The following ULK4 variants were observed in gnomAD, a reference collection of about 807,000 sequenced individuals.
ULK4 encodes unc-51 like kinase 4.
In ULK4, 133 loss-of-function variants were observed where a neutral mutation model predicts 160.6. That is an observed-to-expected ratio of 0.83 (90% CI 0.72 to 0.96). ULK4 has a LOEUF of 0.96. Among genes scored for constraint, ULK4 ranks in the 40% least tolerant of loss-of-function variants. The pLI, the probability that ULK4 is intolerant of heterozygous loss-of-function variation, is 0.00. For synonymous variants in ULK4, 534 were observed against 539.8 expected (o/e 0.99, Z 0.15); for missense variants, 1,580 against 1,499.5 (o/e 1.05, Z -0.89).
chr3:41,718,485 T>C (rs1318000106), intron 22 of ULK4, among the ~76,000 whole-genome samples: 1 of 152,158 alleles, frequency 6.6e-6, no homozygotes, highest in Non-Finnish European at 1.5e-5. Context: ...GGGAGTCTAC[T>C]GGACCATCAC....
chr3:41,416,799 G>T (rs2082537615), intron 34 of ULK4, among the ~76,000 whole-genome samples: 1 of 152,126 alleles, frequency 6.6e-6, no homozygotes, highest in Admixed American at 6.5e-5. Context: ...TAATTACCCA[G>T]GAGGAAAAGG....
intron 9 of ULK4, 63 bp from the exon 10 acceptor site, chr3:41,911,722 G>C (rs914854550): frequency 1.6e-6 from 2 of 1,230,390 alleles, no homozygotes; most frequent in Non-Finnish European, 2.3e-6. Flanking sequence ...TTTTATGTTA[G>C]AGAAAAAGAG....
At chr3:41,495,232 A>G (rs1439351739) in intron 32 of ULK4, among the ~76,000 whole-genome samples, 6 of 152,184 alleles carry the variant, frequency 3.9e-5, no homozygotes, top group Non-Finnish European at 8.8e-5. Flanking sequence ...AAACAGAGAT[A>G]TAGATCAATG....
chr3:41,344,583 C>T (rs1449505320), intron 35 of ULK4, among the ~76,000 whole-genome samples: 1 of 151,854 alleles, frequency 6.6e-6, no homozygotes, highest in East Asian at 1.9e-4. Context: ...GAAACTGTGT[C>T]TCTACTAAAA....
chr3:41,711,936 G>A lies in ULK4; in HGVS notation c.2634+3301C>T, dbSNP rs146215311. 4.6e-5 allele frequency among the ~76,000 whole-genome samples: 7 copies of A among 152,306 alleles called. No individual in the cohort carries two copies. The East Asian group carries it at 1.2e-3, about 25-fold the overall frequency. On this transcript the variant is annotated intron_variant, in intron 25 of 36. Transcript: ENST00000301831. Reference sequence around the variant, plus strand: ...ACTGCTGAAACCTGGAGAGGGAGCTGAGTAAGACAACAGGCTGCTTCTGCC... The same window carrying A: ...ACTGCTGAAACCTGGAGAGGGAGCTAAGTAAGACAACAGGCTGCTTCTGCC...
intron 34 of ULK4, among the ~76,000 whole-genome samples, chr3:41,444,511 T>C (rs2083250890): frequency 1.3e-5 from 2 of 152,254 alleles, no homozygotes; most frequent in South Asian, 4.1e-4. Context: ...GTGAGATGTA[T>C]AAATATAATG....
At chr3:41,802,793 T>C (rs952782473) in intron 19 of ULK4, among the ~76,000 whole-genome samples, 11 of 152,144 alleles carry the variant, frequency 7.2e-5, no homozygotes, top group Non-Finnish European at 1.0e-4. Flanking sequence ...CTAACATACA[T>C]GAGGTTCATA....
At chr3:41,655,961 G>A (rs973367775) in intron 30 of ULK4, among the ~76,000 whole-genome samples, 1 of 152,192 alleles carries the variant, frequency 6.6e-6, no homozygotes, top group Non-Finnish European at 1.5e-5. Flanking sequence ...TGATGTGGAA[G>A]CTATCTTGTG....
chr3:41,943,628 C>T (rs1381119961), intron 2 of ULK4, among the ~76,000 whole-genome samples: 1 of 152,152 alleles, frequency 6.6e-6, no homozygotes, highest in African/African-American at 2.4e-5. Context: ...CTCCTACCTC[C>T]TAACTGATGA....
At chr3:41,519,311 C>G (rs557269935) in intron 32 of ULK4, among the ~76,000 whole-genome samples, 1 of 152,314 alleles carries the variant, frequency 6.6e-6, no homozygotes, top group South Asian at 2.1e-4. Flanking sequence ...GAAGACATCC[C>G]TTGGAGCTCT....
At chr3:41,800,108 C>T in intron 20 of ULK4, 24 bp downstream of exon 20, 1 of 1,546,418 alleles carries the variant, frequency 6.5e-7, no homozygotes, top group Non-Finnish European at 8.7e-7. Context: ...CCAGACATAT[C>T]CCCCAAAAGA....
chr3:41,936,681 A>G (rs1285429998), intron 3 of ULK4, among the ~76,000 whole-genome samples: 4 of 152,204 alleles, frequency 2.6e-5, no homozygotes, highest in Non-Finnish European at 5.9e-5. Flanking sequence ...CAAACATCGC[A>G]TGTCCTCACT....
At chr3:41,793,281 T>G (rs1019949524) in intron 20 of ULK4, among the ~76,000 whole-genome samples, 3 of 152,154 alleles carry the variant, frequency 2.0e-5, no homozygotes, top group Non-Finnish European at 4.4e-5. Context: ...AAAAGAACAT[T>G]TAGTGTTACC....
chr3:41,840,015 G>C (rs1309183913), intron 17 of ULK4, among the ~76,000 whole-genome samples: 1 of 152,094 alleles, frequency 6.6e-6, no homozygotes, highest in Non-Finnish European at 1.5e-5. Context: ...CATATTAATG[G>C]ACAGATCTAA....
At chr3:41,865,089 T>C (rs1056909909) in intron 17 of ULK4, among the ~76,000 whole-genome samples, 1 of 151,782 alleles carries the variant, frequency 6.6e-6, no homozygotes, top group South Asian at 2.1e-4. Flanking sequence ...CTGGCCAACA[T>C]GATGAAACCT....
intron 17 of ULK4, among the ~76,000 whole-genome samples, chr3:41,869,731 A>G (rs1304707789): frequency 1.3e-5 from 2 of 152,220 alleles, no homozygotes; most frequent in Non-Finnish European, 2.9e-5. Context: ...TTATGTTATA[A>G]AACACACATT....
chr3:41,438,833 G>GAAAAGA (rs1314265687), intron 34 of ULK4, among the ~76,000 whole-genome samples: 4 of 151,828 alleles, frequency 2.6e-5, no homozygotes. Flanking sequence ...CCCGACTCAA[G>GAAAAGA]AAAAGAAAAA....
At chr3:41,369,286 G>A (rs1367875704) in intron 35 of ULK4, among the ~76,000 whole-genome samples, 1 of 152,116 alleles carries the variant, frequency 6.6e-6, no homozygotes, top group African/African-American at 2.4e-5. Flanking sequence ...CTTGAATCCA[G>A]GAGTTCGAGA....
At position 41,768,561 on chromosome 3, in the gene ULK4, C is replaced by T. The variant is rs529707860; in HGVS notation, c.2194-14073G>A. On this transcript the variant is annotated intron_variant, in intron 21 of 36. Transcript: ENST00000301831. ...AGGTCCACATACAATGCAACTGAGG[C>T]TACCAACCTACAGCCTCAGCTGAGT... Among the ~76,000 whole-genome samples the T allele has an allele frequency of 1.7e-3, 254 of 152,278 alleles. 1 individual carries two copies. Among genetic ancestry groups the T allele is most frequent in the South Asian group, 9.3e-3 (45 of 4,828 alleles).
Sources: gnomAD v4.1 joint callset for allele counts (sites outside exome capture counted in the v4.1 genomes callset) on GRCh38, gnomAD v4.1.1 for gene constraint, MANE v1.5 for transcripts, NCBI Gene and HGNC (gene_info 2026-07-23, HGNC 2026-07-21) for gene names.